The following IL19 variants were observed in gnomAD, a reference collection of about 807,000 sequenced individuals.
IL19 encodes interleukin-19.
A neutral mutation model predicts 19.5 loss-of-function variants in IL19; 15 were observed. The observed-to-expected ratio is 0.77, with a 90% confidence interval of 0.52 to 1.19. The LOEUF (loss-of-function observed/expected upper bound fraction) is 1.19, where lower values mean the gene tolerates loss of function less well. IL19 is among the 50% of genes most tolerant of loss of function. The probability of loss-of-function intolerance (pLI) is 0.00; values close to 1 mark genes in which losing one functional copy is unlikely to be tolerated. For missense variants in IL19, 199 were observed against 213.1 expected (o/e 0.93, Z 0.41); for synonymous variants, 78 against 78.3 (o/e 1.00, Z 0.02).
At chr1:206,829,932 A>T (rs571511650) in intron 2 of IL19, among the ~76,000 whole-genome samples, 1 of 152,298 alleles carries the variant, frequency 6.6e-6, no homozygotes, top group Non-Finnish European at 1.5e-5. Context: ...CCCAATGTGG[A>T]TTTGTGCTTC....
chr1:206,775,053 T>G (rs927943452), intron 1 of IL19, among the ~76,000 whole-genome samples: 9 of 152,082 alleles, frequency 5.9e-5, no homozygotes, highest in African/African-American at 2.2e-4. Context: ...CTTCTTTTTT[T>G]TTTTTGAGAC....
rs186540222 is a variant in IL19 at position 206,842,669 on chromosome 1, G to A, written c.*47G>A. The A allele has an allele frequency of 9.3e-6, 11 of 1,177,184 alleles. No homozygotes were observed. Among genetic ancestry groups the A allele is most frequent in the East Asian group, 5.1e-5 (2 of 39,280 alleles). The allele number at this position is 1,177,184 out of a possible 1,614,324, so 72.9% of individuals were successfully genotyped here. A position where few individuals can be genotyped will look rare whatever the true frequency, so the allele number is the denominator to read the frequency against. ...ATCCAGGGATGAACACCCCCTGTGCGGTTTACTGTGGGAGACAGCCCACCT... is the reference window on the plus strand; with the variant it reads ...ATCCAGGGATGAACACCCCCTGTGCAGTTTACTGTGGGAGACAGCCCACCT... On this transcript the variant is annotated 3_prime_UTR_variant, in exon 7 of 7. Transcript: ENST00000659997.
chr1:206,782,916 C>T (rs1234293782), intron 1 of IL19, among the ~76,000 whole-genome samples: 1 of 152,216 alleles, frequency 6.6e-6, no homozygotes, highest in Non-Finnish European at 1.5e-5. Context: ...TCTTTGGTAA[C>T]TCTTGTGCTT....
intron 1 of IL19, among the ~76,000 whole-genome samples, chr1:206,775,343 TGCCCG>T (rs1197566294): frequency 6.6e-6 from 1 of 152,182 alleles, no homozygotes; most frequent in African/African-American, 2.4e-5. Context: ...TGAGCCACTG[TGCCCG>T]GCCCGGATCT....
At chr1:206,797,518 C>G (rs1675554082) in intron 1 of IL19, among the ~76,000 whole-genome samples, 1 of 152,084 alleles carries the variant, frequency 6.6e-6, no homozygotes, top group Admixed American at 6.6e-5. Context: ...TCCTGGAAAA[C>G]AAGAAAATGT....
At chr1:206,782,771 G>A (rs61815643) in intron 1 of IL19, among the ~76,000 whole-genome samples, 2 of 152,042 alleles carry the variant, frequency 1.3e-5, no homozygotes, top group Non-Finnish European at 2.9e-5. Context: ...CTAGAGGCTG[G>A]GTGTGGTCAA....
At chr1:206,804,955 C>G (rs769928159) in intron 2 of IL19, among the ~76,000 whole-genome samples, 1 of 152,140 alleles carries the variant, frequency 6.6e-6, no homozygotes, top group African/African-American at 2.4e-5. Context: ...TAAATCATAC[C>G]CTTCTTTGAA....
At chr1:206,824,914 C>T (rs373912186) in intron 2 of IL19, among the ~76,000 whole-genome samples, 3 of 152,122 alleles carry the variant, frequency 2.0e-5, no homozygotes, top group Non-Finnish European at 4.4e-5. Flanking sequence ...ATCACCACAC[C>T]CTGCTAATTT....
At chr1:206,820,786 T>C (rs140559090) in intron 2 of IL19, among the ~76,000 whole-genome samples, 1 of 152,206 alleles carries the variant, frequency 6.6e-6, no homozygotes, top group Admixed American at 6.5e-5. Flanking sequence ...TGTCAGCTTT[T>C]CTCATGGCTT....
intron 2 of IL19, among the ~76,000 whole-genome samples, chr1:206,802,752 C>T (rs1257500611): frequency 1.3e-5 from 2 of 151,392 alleles, no homozygotes; most frequent in Non-Finnish European, 2.9e-5. Context: ...CTGTATAGTT[C>T]TGCTCACTTG....
intron 1 of IL19, among the ~76,000 whole-genome samples, chr1:206,778,828 A>G (rs1208176502): frequency 2.0e-5 from 3 of 152,182 alleles, no homozygotes. Flanking sequence ...TTCCTTGCCA[A>G]TCTATGTTCA....
chr1:206,786,197 T>C (rs928900253), intron 1 of IL19, among the ~76,000 whole-genome samples: 7 of 152,032 alleles, frequency 4.6e-5, no homozygotes, highest in Non-Finnish European at 7.4e-5. Context: ...GAGAAAAAAA[T>C]GGGAAAAATG....
chr1:206,827,660 C>T (rs1167081958), intron 2 of IL19, among the ~76,000 whole-genome samples: 13 of 150,424 alleles, frequency 8.6e-5, no homozygotes, highest in Middle Eastern at 3.4e-3. Flanking sequence ...CACTGCACTC[C>T]AGCCTGGGTG....
intron 1 of IL19, among the ~76,000 whole-genome samples, chr1:206,775,350 C>G (rs1164204625): frequency 1.3e-5 from 2 of 152,074 alleles, no homozygotes; most frequent in Non-Finnish European, 2.9e-5. Flanking sequence ...CTGTGCCCGG[C>G]CCGGATCTGA....
At chr1:206,822,014 C>T (rs1006739477) in intron 2 of IL19, among the ~76,000 whole-genome samples, 1 of 152,160 alleles carries the variant, frequency 6.6e-6, no homozygotes, top group Non-Finnish European at 1.5e-5. Flanking sequence ...TGTCCGTGCC[C>T]CACCGTGCCT....
chr1:206,795,656 G>A (rs149696019), intron 1 of IL19, among the ~76,000 whole-genome samples: 1 of 152,258 alleles, frequency 6.6e-6, no homozygotes, highest in Non-Finnish European at 1.5e-5. Flanking sequence ...AAGACTTGGG[G>A]CGATTTGCTA....
rs2102459497 is a variant in IL19, at chr1:206,798,976, G to A, written c.-33G>A. 1.2e-6 allele frequency: 2 copies of A among 1,613,866 alleles called. No individual in the cohort carries two copies. Among genetic ancestry groups the A allele is most frequent in the East Asian group, 4.5e-5 (2 of 44,878 alleles). ...TGTGCACACACATATCCATGTGTGT[G>A]TGCCAGTGCTTTGGGGCTCTGTTCC... On this transcript the variant is annotated 5_prime_UTR_variant, in exon 2 of 7. It adds an upstream start codon to the 5' untranslated region. Coordinates refer to ENST00000659997, the MANE Select transcript of IL19 (RefSeq NM_153758.5).
At chr1:206,772,516 C>G (rs865815689) in intron 1 of IL19, 1 of 1,316,970 alleles carries the variant, frequency 7.6e-7, no homozygotes, top group Admixed American at 1.7e-5. Flanking sequence ...TCTCTGTCCC[C>G]CTTTTATATT....
intron 1 of IL19, among the ~76,000 whole-genome samples, chr1:206,774,513 G>A (rs1166087293): frequency 1.3e-5 from 2 of 152,156 alleles, no homozygotes; most frequent in Admixed American, 6.5e-5. Context: ...TGAGCTGGGT[G>A]TTCCAGAAGT....
Sources: allele counts gnomAD v4.1 joint callset (sites outside exome capture counted in the v4.1 genomes callset), GRCh38; gene constraint gnomAD v4.1.1; transcripts MANE v1.5; gene names NCBI Gene and HGNC (gene_info 2026-07-23, HGNC 2026-07-21).